The following GGA2 variants were observed in gnomAD, a reference collection of about 807,000 sequenced individuals.
GGA2 encodes the protein ADP-ribosylation factor-binding protein GGA2.
A neutral mutation model predicts 79.5 loss-of-function variants in GGA2; 48 were observed. That is an observed-to-expected ratio of 0.60 (90% CI 0.48 to 0.77). GGA2 has a LOEUF of 0.77. Ranked by LOEUF, GGA2 falls within the 30% of genes least tolerant of loss-of-function variation. GGA2 has a pLI of 0.00. For synonymous variants in GGA2, 317 were observed against 302.0 expected, an observed-to-expected ratio of 1.05 and a Z score of -0.51; for missense variants, 770 against 774.0, an observed-to-expected ratio of 0.99 and a Z score of 0.06.
intron 3 of GGA2, chr16:23,493,731 A>G (rs1964819482): frequency 2.5e-6 from 1 of 398,624 alleles, no homozygotes; most frequent in African/African-American, 2.1e-5. Context: ...TTTTAAGGAG[A>G]CCCTTTGAGA....
intron 2 of GGA2, chr16:23,519,454 C>G: frequency 4.8e-6 from 1 of 206,458 alleles, no homozygotes; most frequent in South Asian, 4.7e-5. Flanking sequence ...GAATATGACT[C>G]CCATTGACCA....
chr16:23,473,972 A>G (rs1455613947), intron 14 of GGA2, among the ~76,000 whole-genome samples: 2 of 152,350 alleles, frequency 1.3e-5, no homozygotes, highest in East Asian at 3.9e-4. Context: ...ACAAAGAGCC[A>G]TAGGAGGGCT....
chr16:23,467,387 A>AACACACACACACACAT lies in GGA2; in HGVS notation c.*202_*203insATGTGTGTGTGTGTGT, dbSNP rs1964451353. The AACACACACACACACAT allele has an allele frequency of 6.1e-6, 2 of 327,522 alleles. No homozygotes were observed. The allele number at this position is 327,522 out of a possible 1,614,324, so 20.3% of individuals were successfully genotyped here. A position where few individuals can be genotyped will look rare whatever the true frequency, so the allele number is the denominator to read the frequency against. ...GCCCTGTGCTACCACCCTCTCCCCG[A>AACACACACACACACAT]ACACACACACACACACACACACACA... On this transcript the variant is annotated 3_prime_UTR_variant, in exon 17 of 17. Coordinates refer to ENST00000309859, the MANE Select transcript of GGA2 (RefSeq NM_015044.4).
chr16:23,486,704 G>C lies in GGA2; in HGVS notation c.660+6C>G. 1 of 1,554,784 alleles carries C rather than the reference G, an allele frequency of 6.4e-7. No homozygotes were observed. The highest frequency in any genetic ancestry group is 8.9e-7 in the Non-Finnish European group (1 of 1,125,788). Reference sequence around the variant, plus strand: ...CTTCTACTGAACCAACTGGAAGAATGCCCACCTCCTTGACCAAATTCTTGA... The same window carrying C: ...CTTCTACTGAACCAACTGGAAGAATCCCCACCTCCTTGACCAAATTCTTGA... On this transcript the variant is annotated splice_donor_region_variant and intron_variant, in intron 7 of 16. Transcript: ENST00000309859.
chr16:23,475,040 A>G lies in GGA2; in HGVS notation c.1314T>C (p.Ser438=). ...TACCTGGTGGCACTTCCTTGGGGAC[A>G]CTTTTCTGCGAAACATAATTCCTAC... ...PCPLNYVSQK[S]VPKEVPPGTK... The change falls in exon 14 of 17, where the codon AGT becomes AGC. Residue 438 remains serine (S), a synonymous_variant. Transcript: ENST00000309859. 6.3e-7 allele frequency: 1 copy of G among 1,582,146 alleles called. No individual in the cohort carries two copies. Among genetic ancestry groups the G allele is most frequent in the African/African-American group, 1.4e-5 (1 of 72,958 alleles).
chr16:23,511,016 C>CGTGTGTGTGTGTGTGT (rs145140640), upstream of GGA2, among the ~76,000 whole-genome samples: 2 of 28,856 alleles, frequency 6.9e-5, no homozygotes, highest in East Asian at 8.1e-4. Flanking sequence ...TGGGTTTCAC[C>CGTGTGTGTGTGTGTGT]GTGTGTGTGT....
At chr16:23,507,400 G>A (rs1488542162) in intron 1 of GGA2, among the ~76,000 whole-genome samples, 1 of 152,140 alleles carries the variant, frequency 6.6e-6, no homozygotes, top group Non-Finnish European at 1.5e-5. Context: ...GGCCAAGACT[G>A]GCAGATAACT....
upstream of GGA2, among the ~76,000 whole-genome samples, chr16:23,512,118 G>C (rs985760945): frequency 2.6e-5 from 4 of 152,212 alleles, no homozygotes; most frequent in Non-Finnish European, 2.9e-5. Flanking sequence ...CACCATGTTT[G>C]AAAGGCGGAA....
At chr16:23,475,693 C>G (rs1964568713) in intron 13 of GGA2, among the ~76,000 whole-genome samples, 1 of 151,028 alleles carries the variant, frequency 6.6e-6, no homozygotes, top group South Asian at 2.1e-4. Context: ...CATTTGAGGT[C>G]AGGAGTTCAA....
intron 5 of GGA2, among the ~76,000 whole-genome samples, chr16:23,490,246 C>T (rs1361198634): frequency 6.6e-6 from 1 of 152,174 alleles, no homozygotes; most frequent in Non-Finnish European, 1.5e-5. Context: ...ATAGTAACTA[C>T]AGCAACAACA....
At chr16:23,498,060 G>A (rs1964877892) in intron 1 of GGA2, among the ~76,000 whole-genome samples, 1 of 152,086 alleles carries the variant, frequency 6.6e-6, no homozygotes, top group Non-Finnish European at 1.5e-5. Flanking sequence ...AGGGTGGATT[G>A]CCTGAACTCA....
At chr16:23,508,213 T>C (rs1287157395) in intron 1 of GGA2, among the ~76,000 whole-genome samples, 1 of 152,054 alleles carries the variant, frequency 6.6e-6, no homozygotes, top group East Asian at 1.9e-4. Context: ...ATTACAGGTG[T>C]GCGCCACCAC....
chr16:23,493,788 G>C, intron 3 of GGA2: 1 of 334,860 alleles, frequency 3.0e-6, no homozygotes, highest in South Asian at 3.2e-5. Context: ...GCAGAGATCT[G>C]GTATCCAGTG....
At chr16:23,522,265 A>G, upstream of GGA2, 1 of 165,098 alleles carries the variant, frequency 6.1e-6, no homozygotes, top group Non-Finnish European at 1.3e-5. Flanking sequence ...TTACTGGCCA[A>G]GGAATGGTAG....
chr16:23,481,011 T>C (rs1283001392), intron 9 of GGA2, among the ~76,000 whole-genome samples: 1 of 152,236 alleles, frequency 6.6e-6, no homozygotes, highest in Non-Finnish European at 1.5e-5. Context: ...ACCTGTACTG[T>C]CCAGAGTAAT....
Position 23,470,025 on chromosome 16 carries a change from C to A in GGA2, c.1591G>T (p.Asp531Tyr). 1 of 1,580,678 alleles carries A rather than the reference C, an allele frequency of 6.3e-7. No individual in the cohort carries two copies. Among genetic ancestry groups the A allele is most frequent in the Non-Finnish European group, 8.6e-7 (1 of 1,163,700 alleles). The change falls in exon 15 of 17, where the codon GAT (aspartate) becomes TAT (tyrosine). Residue 531 changes from aspartate (D) to tyrosine (Y), a missense_variant. Coordinates refer to ENST00000309859, the MANE Select transcript of GGA2 (RefSeq NM_015044.4). ...MMSTAPQPVW[D>Y]IMFQVAVPKS... is the part of the protein sequence containing the mutation. Reference sequence around the variant, plus strand: ...GGCACAGCCACTTGAAACATGATATCCCAGACAGGCTGGGGAGCCGTGCTC... The same window carrying A: ...GGCACAGCCACTTGAAACATGATATACCAGACAGGCTGGGGAGCCGTGCTC...
At chr16:23,491,565 A>G (rs1964787935) in intron 5 of GGA2, 112 bp downstream of exon 5, 1 of 792,292 alleles carries the variant, frequency 1.3e-6, no homozygotes. Context: ...CTCAGTGTCT[A>G]TGGTCCTACA....
chr16:23,464,415 T>C lies in GGA2; in HGVS notation c.*3175A>G, dbSNP rs1032807531. ...AGGGCACTGAGTGCCAGCGTGCAAC[T>C]TGAATTTGATCCCATAAAGTCAGGC... On this transcript the variant is annotated 3_prime_UTR_variant, in exon 17 of 17. Coordinates refer to ENST00000309859, the MANE Select transcript of GGA2 (RefSeq NM_015044.4). 4.6e-5 allele frequency: 7 copies of C among 152,278 alleles called. No homozygotes were observed. Among genetic ancestry groups the C allele is most frequent in the South Asian group, 4.2e-4 (2 of 4,818 alleles). The allele number at this position is 152,278 out of a possible 1,614,324, so 9.4% of individuals were successfully genotyped here.
rs767623820 is a variant in GGA2, at chr16:23,469,993, C to T, written c.1620+3G>A. On this transcript the variant is annotated splice_donor_region_variant and intron_variant, in intron 15 of 16. Transcript: ENST00000309859. The stretch of plus-strand genomic sequence containing the variant: ...ACTGAGAAATCCCCAACAGATGACT[C>T]ACCTTTGGCACAGCCACTTGAAACA... 11 of 1,515,540 alleles carry T rather than the reference C, an allele frequency of 7.3e-6. No individual in the cohort carries two copies. The South Asian group carries it at 1.5e-4, about 20-fold the overall frequency. 93.9% of individuals were successfully genotyped at this position (1,515,540 alleles called of 1,614,324 possible).
Sources: allele counts gnomAD v4.1 joint callset (sites outside exome capture counted in the v4.1 genomes callset), GRCh38; gene constraint gnomAD v4.1.1; transcripts MANE v1.5; gene names NCBI Gene and HGNC (gene_info 2026-07-23, HGNC 2026-07-21).